ADCY5: variants seen among roughly 807,000 people sequenced by gnomAD.
The protein encoded by ADCY5 is adenylate cyclase 5.
In ADCY5, 30 loss-of-function variants were observed where a neutral mutation model predicts 119.7. The ratio of observed to expected loss-of-function variants is 0.25; its 90% confidence interval spans 0.19 to 0.34. ADCY5 has a LOEUF of 0.34. Ranked by LOEUF, ADCY5 falls within the 10% of genes least tolerant of loss-of-function variation. ADCY5 has a pLI of 1.00. For missense variants in ADCY5, 1,324 were observed against 1,775.2 expected, an observed-to-expected ratio of 0.75 and a Z score of 4.57; for synonymous variants, 753 against 762.2, an observed-to-expected ratio of 0.99 and a Z score of 0.20.
intron 1 of ADCY5, among the ~76,000 whole-genome samples, chr3:123,408,332 T>C (rs916664807): frequency 6.6e-5 from 10 of 151,690 alleles, no homozygotes; most frequent in African/African-American, 2.2e-4. Flanking sequence ...AGCATACAAA[T>C]GTTACGTTTT....
chr3:123,322,207 G>A (rs1941255132), intron 8 of ADCY5, among the ~76,000 whole-genome samples: 2 of 152,228 alleles, frequency 1.3e-5, no homozygotes, highest in Admixed American at 1.3e-4. Context: ...GCGAGGGGTT[G>A]GCCCACTCAA....
chr3:123,371,611 G>A (rs1164339626), intron 1 of ADCY5, among the ~76,000 whole-genome samples: 1 of 152,228 alleles, frequency 6.6e-6, no homozygotes. Context: ...ATTGCACATG[G>A]CAGCCGGTAT....
chr3:123,368,404 T>C (rs1336446451), intron 1 of ADCY5, among the ~76,000 whole-genome samples: 5 of 152,208 alleles, frequency 3.3e-5, no homozygotes, highest in Non-Finnish European at 7.3e-5. Flanking sequence ...GAGACCAGCC[T>C]GGCCAACATG....
chr3:123,442,767 C>A (rs948415342), intron 1 of ADCY5, among the ~76,000 whole-genome samples: 1 of 152,174 alleles, frequency 6.6e-6, no homozygotes, highest in Non-Finnish European at 1.5e-5. Context: ...TAGAAGACGA[C>A]CCCCACCCCA....
chr3:123,434,319 TAC>T (rs371538336), intron 1 of ADCY5, among the ~76,000 whole-genome samples: 38 of 152,356 alleles, frequency 2.5e-4, no homozygotes, highest in African/African-American at 8.7e-4. Context: ...CCTCACAGCT[TAC>T]AGAGTGCCCT....
intron 3 of ADCY5, among the ~76,000 whole-genome samples, chr3:123,335,506 C>T (rs770317087): frequency 1.3e-5 from 2 of 152,198 alleles, no homozygotes; most frequent in African/African-American, 4.8e-5. Context: ...CAGGCACTGG[C>T]TCCACACTTT....
chr3:123,438,213 T>C (rs555424814), intron 1 of ADCY5, among the ~76,000 whole-genome samples: 4 of 152,304 alleles, frequency 2.6e-5, no homozygotes, highest in African/African-American at 9.6e-5. Context: ...CGGAAAATGG[T>C]GCTGGAGTCA....
intron 3 of ADCY5, among the ~76,000 whole-genome samples, chr3:123,341,277 T>C (rs1942269137): frequency 6.8e-6 from 1 of 148,094 alleles, no homozygotes. Flanking sequence ...ATTCATATAA[T>C]GGAGTATTAT....
chr3:123,296,897 A>C (rs1295038091), intron 16 of ADCY5: 1 of 1,196,820 alleles, frequency 8.4e-7, no homozygotes, highest in Non-Finnish European at 1.1e-6. Flanking sequence ...AAGGCTGCAC[A>C]GAGGCTCCAG....
At chr3:123,346,926 T>C (rs1200011309) in intron 3 of ADCY5, among the ~76,000 whole-genome samples, 1 of 152,088 alleles carries the variant, frequency 6.6e-6, no homozygotes, top group Admixed American at 6.5e-5. Context: ...ATAAGCAGAT[T>C]TTGCACTCTA....
intron 1 of ADCY5, among the ~76,000 whole-genome samples, chr3:123,377,328 T>A (rs1006894608): frequency 6.6e-6 from 1 of 152,134 alleles, no homozygotes; most frequent in Non-Finnish European, 1.5e-5. Flanking sequence ...CAGTCCCTGC[T>A]CCATCCTAAC....
intron 14 of ADCY5, among the ~76,000 whole-genome samples, chr3:123,302,188 G>A (rs1939890244): frequency 6.6e-6 from 1 of 152,238 alleles, no homozygotes; most frequent in Non-Finnish European, 1.5e-5. Flanking sequence ...GGGGGTTTGG[G>A]AAGTTGGGGG....
intron 14 of ADCY5, among the ~76,000 whole-genome samples, chr3:123,301,653 G>A (rs1180522440): frequency 6.6e-6 from 1 of 152,214 alleles, no homozygotes; most frequent in Non-Finnish European, 1.5e-5. Context: ...TCCCACAAAT[G>A]AGGAGCCAGG....
At chr3:123,304,254 T>C in intron 12 of ADCY5, 71 bp from the exon 13 acceptor site, 1 of 1,055,556 alleles carries the variant, frequency 9.5e-7, no homozygotes, top group Non-Finnish European at 1.4e-6. Context: ...ACTCCACAAA[T>C]GGTCCCGGGA....
intron 10 of ADCY5, among the ~76,000 whole-genome samples, chr3:123,318,846 C>T (rs909373715): frequency 5.9e-5 from 9 of 152,106 alleles, no homozygotes; most frequent in Non-Finnish European, 1.2e-4. Context: ...ACTGGGGGGC[C>T]GAAAGCAGGT....
intron 12 of ADCY5, among the ~76,000 whole-genome samples, chr3:123,310,344 C>T (rs907091500): frequency 1.3e-5 from 2 of 152,074 alleles, no homozygotes; most frequent in Non-Finnish European, 2.9e-5. Context: ...GCTGCTTCAC[C>T]GGATGATGAG....
At chr3:123,293,666 T>C (rs981762243) in intron 17 of ADCY5, among the ~76,000 whole-genome samples, 11 of 151,970 alleles carry the variant, frequency 7.2e-5, no homozygotes, top group African/African-American at 2.4e-4. Context: ...AGAGATGACA[T>C]TGCAAGCACG....
chr3:123,299,681 T>C (rs1337190542), intron 15 of ADCY5, among the ~76,000 whole-genome samples: 1 of 152,250 alleles, frequency 6.6e-6, no homozygotes, highest in Non-Finnish European at 1.5e-5. Context: ...GCCTGCCTAC[T>C]TGGCTGAGTT....
chr3:123,393,063 G>C (rs1029069565), intron 1 of ADCY5, among the ~76,000 whole-genome samples: 2 of 152,180 alleles, frequency 1.3e-5, no homozygotes, highest in African/African-American at 4.8e-5. Flanking sequence ...CAAGGCAACA[G>C]GTGAGGCAGG....
Sources: allele counts gnomAD v4.1 joint callset (sites outside exome capture counted in the v4.1 genomes callset), GRCh38; gene constraint gnomAD v4.1.1; transcripts MANE v1.5; gene names NCBI Gene and HGNC (gene_info 2026-07-23, HGNC 2026-07-21).